Variants in TRIM46 observed in about 807,000 individuals in gnomAD.
TRIM46 encodes the protein tripartite motif-containing protein 46.
Under a neutral mutation model 69.7 loss-of-function variants are expected in TRIM46, and 17 were observed. The ratio of observed to expected loss-of-function variants is 0.24; its 90% CI spans 0.17 to 0.37. The LOEUF (loss-of-function observed/expected upper bound fraction) is 0.37. Among genes scored for constraint, TRIM46 ranks in the 10% least tolerant of loss-of-function variants. The pLI, the probability that TRIM46 is intolerant of heterozygous loss-of-function variation, is 1.00. For synonymous variants in TRIM46, 391 were observed against 429.0 expected (o/e 0.91, Z 1.09); for missense variants, 675 against 1,025.1 (o/e 0.66, Z 4.66).
intron 7 of TRIM46, among the ~76,000 whole-genome samples, chr1:155,179,319 C>T (rs1665960111): frequency 6.6e-6 from 1 of 152,172 alleles, no homozygotes; most frequent in South Asian, 2.1e-4. Flanking sequence ...GATCTGATAC[C>T]CTCATTTGAC....
Position 155,179,778 on chromosome 1 carries a change from A to C in TRIM46, c.1432A>C (p.Thr478Pro), listed in dbSNP as rs1571749046. The change falls in exon 8 of 10, where the codon ACC becomes CCC. Residue 478 changes from threonine (T) to proline (P), a missense_variant. Coordinates refer to ENST00000334634, the MANE Select transcript of TRIM46 (RefSeq NM_025058.5). ...GGATGTGCCTGCTCAGCCAGGCCCC[A>C]CCCGCTGGCAGCGGCGGGAGGAGGT... ...RTDVPAQPGP[T>P]RWQRREEVRG... is the part of the protein sequence containing the mutation. The C allele has an allele frequency of 6.2e-7, 1 of 1,613,204 alleles. No individual in the cohort carries two copies. Among genetic ancestry groups the C allele is most frequent in the South Asian group, 1.1e-5 (1 of 91,070 alleles).
intron 1 of TRIM46, chr1:155,174,615 G>C: frequency 1.3e-6 from 2 of 1,528,814 alleles, no homozygotes; most frequent in Non-Finnish European, 1.7e-6. Context: ...GCCCCTGACC[G>C]GGATGGCTGC....
chr1:155,178,236 G>A lies in TRIM46; in HGVS notation c.1144G>A (p.Ala382Thr), dbSNP rs868263181. 11 of 1,603,488 alleles carry A rather than the reference G, an allele frequency of 6.9e-6. No individual in the cohort carries two copies. The highest frequency in any genetic ancestry group is 2.7e-5 in the African/African-American group (2 of 74,694). The change falls in exon 6 of 10, where the codon GCC (alanine) becomes ACC (threonine). Residue 382 changes from alanine to threonine, a missense_variant. Ala to Thr is a moderately conservative substitution (Grantham distance 58). Coordinates refer to ENST00000334634, the MANE Select transcript of TRIM46 (RefSeq NM_025058.5). ...ETDQPCFVQA[A>T]KQLHNRIARA... ...AGACCAGCCTTGCTTTGTGCAAGCC[G>A]CCAAGCAGCTGCACAACAGGTACTC...
intron 1 of TRIM46, 138 bp downstream of exon 1, chr1:155,174,167 G>A: frequency 2.9e-6 from 3 of 1,035,664 alleles, no homozygotes; most frequent in Admixed American, 4.2e-5. Context: ...GGCTGGGAGG[G>A]TCGGGATGCA....
chr1:155,183,647 C>T lies in TRIM46; in HGVS notation c.1887-150C>T, dbSNP rs1056737691. ...AAACCCCTGACCCTATACTCTAACCCCTGCCTCTTCAGCGTTTTCTTCTCA... is the reference window on the plus strand; with the variant it reads ...AAACCCCTGACCCTATACTCTAACCTCTGCCTCTTCAGCGTTTTCTTCTCA... On this transcript the variant is annotated intron_variant, in intron 9 of 9. Coordinates refer to ENST00000334634, the MANE Select transcript of TRIM46 (RefSeq NM_025058.5). 5 of 1,003,612 alleles carry T rather than the reference C, an allele frequency of 5.0e-6. No homozygotes were observed. The African/African-American group carries it at 6.5e-5, about 13-fold the overall frequency. The allele number at this position is 1,003,612 out of a possible 1,614,324, so 62.2% of individuals were successfully genotyped here.
intron 8 of TRIM46, among the ~76,000 whole-genome samples, chr1:155,180,973 G>A (rs548797709): frequency 6.6e-6 from 1 of 150,946 alleles, no homozygotes; most frequent in East Asian, 2.0e-4. Context: ...AGTGGCTCAC[G>A]CCTGTAATCC....
intron 7 of TRIM46, among the ~76,000 whole-genome samples, chr1:155,179,207 C>T (rs368250505): frequency 3.9e-5 from 6 of 152,194 alleles, no homozygotes; most frequent in Non-Finnish European, 5.9e-5. Flanking sequence ...TCCTGCTCAG[C>T]GCCCTCTTGC....
Position 155,179,611 on chromosome 1 carries a change from AC to A in TRIM46, c.1286-18del. ...GGCCAGTGGCCAGGCCCTGACTGAC[AC>A]CCGCTGTCTCTTCCAACAGTGCCTG... On this transcript the variant is annotated intron_variant, in intron 7 of 9. Transcript: ENST00000334634. 1 of 1,568,136 alleles carries A rather than the reference AC, an allele frequency of 6.4e-7. No homozygotes were observed.
chr1:155,175,195 G>A lies in TRIM46; in HGVS notation c.64-191G>A, dbSNP rs1420820184. On this transcript the variant is annotated intron_variant, in intron 1 of 9. Transcript: ENST00000334634. This position sits in a 1 kb window ranked among gnomAD's most constrained non-coding sequence, Gnocchi z 4.2. ...TCCTCTGGGCCTTTAGCTCTGCAGC[G>A]GGGAAAGAGAAGCAAGGGACAGAGG... 3 of 1,457,654 alleles carry A rather than the reference G, an allele frequency of 2.1e-6. No individual in the cohort carries two copies. The highest frequency in any genetic ancestry group is 2.7e-6 in the Non-Finnish European group (3 of 1,115,056). The allele number at this position is 1,457,654 out of a possible 1,614,324, so 90.3% of individuals were successfully genotyped here. A position where few individuals can be genotyped will look rare whatever the true frequency, so the allele number is the denominator to read the frequency against.
intron 3 of TRIM46, 84 bp from the exon 4 acceptor site, chr1:155,176,848 G>T (rs1367865690): frequency 6.5e-7 from 1 of 1,532,824 alleles, no homozygotes; most frequent in African/African-American, 1.4e-5. Flanking sequence ...GCCAGTGGAG[G>T]AGGGCACCAA....
intron 1 of TRIM46, chr1:155,174,944 C>T: frequency 7.2e-7 from 1 of 1,384,670 alleles, no homozygotes; most frequent in Non-Finnish European, 9.3e-7. Context: ...GTGCCAACCT[C>T]GCCTGGCTAT....
At chr1:155,182,941 C>G (rs1350842868) in intron 9 of TRIM46, 1 of 142,124 alleles carries the variant, frequency 7.0e-6, no homozygotes, top group Non-Finnish European at 1.5e-5. Context: ...AATGGAGTCT[C>G]GCTCTGTCGC....
At position 155,175,412 on chromosome 1, in the gene TRIM46, A is replaced by G; in HGVS notation, c.90A>G (p.Glu30=). 1 of 1,614,014 alleles carries G rather than the reference A, an allele frequency of 6.2e-7. No individual in the cohort carries two copies. Among genetic ancestry groups the G allele is most frequent in the Non-Finnish European group, 8.5e-7 (1 of 1,179,944 alleles). ...CCAGCATGAAGAACATGGAGAAGGA[A>G]CTGCTGTGCCCAGTGTGTCAAGAGA... The part of the protein sequence containing the change: ...ISTSMKNMEK[E]LLCPVCQEMY... The change falls in exon 2 of 10, where the codon GAA becomes GAG. Residue 30 remains glutamate (E), a synonymous_variant. Coordinates refer to ENST00000334634, the MANE Select transcript of TRIM46 (RefSeq NM_025058.5). This position sits in a 1 kb window ranked among gnomAD's most constrained non-coding sequence, Gnocchi z 4.2.
Position 155,179,782 on chromosome 1 carries a change from G to T in TRIM46, c.1436G>T (p.Arg479Leu), listed in dbSNP as rs144348158. The part of the protein sequence containing the change: ...TDVPAQPGPT[R>L]WQRREEVRGT... ...GTGCCTGCTCAGCCAGGCCCCACCCGCTGGCAGCGGCGGGAGGAGGTGAGG... is the reference window on the plus strand; with the variant it reads ...GTGCCTGCTCAGCCAGGCCCCACCCTCTGGCAGCGGCGGGAGGAGGTGAGG... The change falls in exon 8 of 10, where the codon CGC becomes CTC. Residue 479 changes from arginine (R) to leucine (L), a missense_variant. By Grantham distance (102) the Arg-to-Leu change is moderately radical. Around this residue, in one of 5 missense-constraint regions of TRIM46, gnomAD observed 361 missense variants for 498.3 expected, o/e 0.72. Coordinates refer to ENST00000334634, the MANE Select transcript of TRIM46 (RefSeq NM_025058.5). 6.2e-7 allele frequency: 1 copy of T among 1,613,150 alleles called. No homozygotes were observed. Among genetic ancestry groups the T allele is most frequent in the Non-Finnish European group, 8.5e-7 (1 of 1,179,884 alleles).
intron 5 of TRIM46, among the ~76,000 whole-genome samples, 199 bp downstream of exon 5, chr1:155,177,489 G>T (rs1209965535): frequency 6.6e-6 from 1 of 152,156 alleles, no homozygotes; most frequent in African/African-American, 2.4e-5. Context: ...GGGCAGGGTG[G>T]CTATAGCTCA....
rs911613189 is a variant in TRIM46 at position 155,181,438 on chromosome 1, A to T, written c.1589-414A>T. On this transcript the variant is annotated intron_variant, in intron 8 of 9. Transcript: ENST00000334634. This position sits in a 1 kb window ranked among gnomAD's most constrained non-coding sequence, Gnocchi z 4.3. ...AAGAGGGAAGCCTTGCCACCCAAAT[A>T]GGGGCTGGGTATAAGGGCCAGGTGT... is the stretch of plus-strand genomic sequence containing the variant. 5.3e-5 allele frequency among the ~76,000 whole-genome samples: 8 copies of T among 152,084 alleles called. No individual in the cohort carries two copies. Among genetic ancestry groups the T allele is most frequent in the Non-Finnish European group, 1.0e-4 (7 of 68,002 alleles).
intron 9 of TRIM46, 124 bp downstream of exon 9, chr1:155,182,273 A>G (rs1666226502): frequency 2.6e-6 from 3 of 1,169,964 alleles, no homozygotes; most frequent in South Asian, 3.1e-5. Flanking sequence ...AGGAAGTAGT[A>G]GGAGCCTGGA....
At position 155,177,092 on chromosome 1, in the gene TRIM46, T is replaced by A; in HGVS notation, c.813+17T>A. 1 of 1,612,382 alleles carries A rather than the reference T, an allele frequency of 6.2e-7. No individual in the cohort carries two copies. Among genetic ancestry groups the A allele is most frequent in the Non-Finnish European group, 8.5e-7 (1 of 1,178,544 alleles). The stretch of plus-strand genomic sequence containing the variant: ...GCCCTCAAGGTAAGGACCCCCCTTA[T>A]CCAACCCTAGTGCTAACTCACACTC... On this transcript the variant is annotated intron_variant, in intron 4 of 9. Transcript: ENST00000334634.
chr1:155,174,326 G>A (rs1490997529), intron 1 of TRIM46, among the ~76,000 whole-genome samples: 1 of 152,138 alleles, frequency 6.6e-6, no homozygotes, highest in Non-Finnish European at 1.5e-5. Flanking sequence ...GGGGCTTCAG[G>A]GGAAAGGCCC....
Sources: gnomAD v4.1 joint callset for allele counts (sites outside exome capture counted in the v4.1 genomes callset) on GRCh38, gnomAD v4.1.1 for gene constraint, gnomAD v4.1.1 regional missense constraint, Gnocchi (gnomAD v3.1) non-coding constraint, MANE v1.5 for transcripts, NCBI Gene and HGNC (gene_info 2026-07-23, HGNC 2026-07-21) for gene names.